Variants in GMDS observed in about 807,000 individuals in gnomAD.
The protein encoded by GMDS is GDP-mannose 4,6-dehydratase.
Under a neutral mutation model 49.9 loss-of-function variants are expected in GMDS, and 20 were observed. The ratio of observed to expected loss-of-function variants is 0.40; its 90% CI spans 0.28 to 0.58. The LOEUF (loss-of-function observed/expected upper bound fraction) is 0.58, where lower values mean the gene tolerates loss of function less well. Among genes scored for constraint, GMDS ranks in the 20% least tolerant of loss-of-function variants. The pLI is 0.42. For synonymous variants in GMDS, 177 were observed against 178.6 expected, an observed-to-expected ratio of 0.99 and a Z score of 0.07; for missense variants, 362 against 481.4, an observed-to-expected ratio of 0.75 and a Z score of 2.32.
intron 7 of GMDS, among the ~76,000 whole-genome samples, chr6:1,860,904 C>T (rs1758152354): frequency 6.6e-6 from 1 of 152,136 alleles, no homozygotes; most frequent in East Asian, 1.9e-4. Context: ...TGATGTGTGC[C>T]CAGAAGGGCT....
At chr6:2,220,464 T>A (rs574584506) in intron 1 of GMDS, among the ~76,000 whole-genome samples, 1 of 152,294 alleles carries the variant, frequency 6.6e-6, no homozygotes, top group East Asian at 1.9e-4. Flanking sequence ...TTAATGTGAA[T>A]AGATGTGAGA....
At chr6:1,727,861 G>GC (rs2113445936) in intron 8 of GMDS, among the ~76,000 whole-genome samples, 1 of 152,270 alleles carries the variant, frequency 6.6e-6, no homozygotes, top group East Asian at 1.9e-4. Context: ...GAATTATATA[G>GC]CGCAGTATGT....
chr6:2,114,606 G>C lies in GMDS; in HGVS notation c.345+1165C>G, dbSNP rs549611926. On this transcript the variant is annotated intron_variant, in intron 4 of 10. Coordinates refer to ENST00000380815, the MANE Select transcript of GMDS (RefSeq NM_001500.4). ...CTGGATATAGAACAGAATCATCACA[G>C]ATTAAGAAAAGAAAAATGTTTCTTC... Among the ~76,000 whole-genome samples the C allele has an allele frequency of 9.3e-4, 142 of 152,282 alleles. 1 individual carries two copies. Among genetic ancestry groups the C allele is most frequent in the African/African-American group, 3.3e-3 (136 of 41,568 alleles).
chr6:1,880,548 C>T (rs1231095070), intron 7 of GMDS, among the ~76,000 whole-genome samples: 1 of 152,176 alleles, frequency 6.6e-6, no homozygotes, highest in Non-Finnish European at 1.5e-5. Flanking sequence ...GCTGAGCACT[C>T]TTCCTTTCCC....
chr6:2,005,006 G>C (rs753722949), intron 4 of GMDS, among the ~76,000 whole-genome samples: 1 of 152,128 alleles, frequency 6.6e-6, no homozygotes, highest in Non-Finnish European at 1.5e-5. Flanking sequence ...TGAGTATATA[G>C]ACAGTTTATA....
At chr6:1,975,106 T>C (rs1370962847) in intron 4 of GMDS, among the ~76,000 whole-genome samples, 1 of 151,904 alleles carries the variant, frequency 6.6e-6, no homozygotes, top group Non-Finnish European at 1.5e-5. Flanking sequence ...TGCCAGGATA[T>C]TGTTAGATAT....
chr6:1,663,780 C>A (rs1764158470), intron 9 of GMDS, among the ~76,000 whole-genome samples: 1 of 152,174 alleles, frequency 6.6e-6, no homozygotes, highest in African/African-American at 2.4e-5. Context: ...CATGGCTCTG[C>A]TGAAATGTCT....
intron 9 of GMDS, among the ~76,000 whole-genome samples, chr6:1,663,208 C>T (rs1436349122): frequency 6.6e-6 from 1 of 152,188 alleles, no homozygotes; most frequent in Non-Finnish European, 1.5e-5. Flanking sequence ...GAGAGAAATT[C>T]AACTTGGGGT....
At chr6:1,768,582 C>G (rs1768453325) in intron 7 of GMDS, among the ~76,000 whole-genome samples, 1 of 152,146 alleles carries the variant, frequency 6.6e-6, no homozygotes, top group African/African-American at 2.4e-5. Flanking sequence ...GTTGAGTACC[C>G]CAATCCAAAA....
intron 4 of GMDS, among the ~76,000 whole-genome samples, chr6:1,998,495 G>T (rs1465206004): frequency 1.3e-5 from 2 of 152,134 alleles, no homozygotes; most frequent in African/African-American, 2.4e-5. Flanking sequence ...TGAGGAAAAG[G>T]ATTATAACCC....
intron 7 of GMDS, among the ~76,000 whole-genome samples, chr6:1,791,702 T>C (rs986044581): frequency 1.3e-5 from 2 of 152,232 alleles, no homozygotes; most frequent in Non-Finnish European, 2.9e-5. Context: ...TAACATATTA[T>C]TTCCTGTTCC....
chr6:1,738,146 G>A (rs1188221804), intron 8 of GMDS, among the ~76,000 whole-genome samples: 1 of 50,260 alleles, frequency 2.0e-5, no homozygotes, highest in Non-Finnish European at 3.9e-5. Flanking sequence ...TACACACACA[G>A]ATACACATAC....
chr6:1,830,825 G>A (rs1756601657), intron 7 of GMDS, among the ~76,000 whole-genome samples: 1 of 152,098 alleles, frequency 6.6e-6, no homozygotes, highest in African/African-American at 2.4e-5. Context: ...GCATTTCAGG[G>A]ATAAGAAATA....
At chr6:1,848,350 C>T (rs1444389412) in intron 7 of GMDS, among the ~76,000 whole-genome samples, 1 of 152,132 alleles carries the variant, frequency 6.6e-6, no homozygotes, top group Non-Finnish European at 1.5e-5. Context: ...ACTTATCCTT[C>T]ATGCTCAGCT....
intron 7 of GMDS, among the ~76,000 whole-genome samples, chr6:1,857,308 T>A (rs1757981927): frequency 1.3e-5 from 2 of 152,212 alleles, no homozygotes; most frequent in Admixed American, 1.3e-4. Context: ...GTTCCACTCA[T>A]CATAAAGGGA....
chr6:1,677,613 G>A (rs1304278157), intron 9 of GMDS, among the ~76,000 whole-genome samples: 1 of 152,092 alleles, frequency 6.6e-6, no homozygotes, highest in Admixed American at 6.5e-5. Flanking sequence ...ATACTTTGCA[G>A]CCATAAAAAA....
In GMDS at chr6:1,961,070, T is replaced by C. The variant is rs1301172580; in HGVS notation, c.346-104A>G. The C allele has an allele frequency of 5.4e-6, 3 of 560,320 alleles. No individual in the cohort carries two copies. In the Admixed American group the frequency reaches 9.2e-5, roughly 17 times the overall value. The allele number at this position is 560,320 out of a possible 1,614,324, so 34.7% of individuals were successfully genotyped here. A position where few individuals can be genotyped will look rare whatever the true frequency, so the allele number is the denominator to read the frequency against. On this transcript the variant is annotated intron_variant, in intron 4 of 10. Coordinates refer to ENST00000380815, the MANE Select transcript of GMDS (RefSeq NM_001500.4). Reference sequence around the variant, plus strand: ...AATTTCACACACTGTGAAATGTTGGTGAGAAAATATTATTTTCTAACAGCA... The same window carrying C: ...AATTTCACACACTGTGAAATGTTGGCGAGAAAATATTATTTTCTAACAGCA...
At chr6:2,187,156 C>T (rs1228912232) in intron 1 of GMDS, among the ~76,000 whole-genome samples, 2 of 152,168 alleles carry the variant, frequency 1.3e-5, no homozygotes, top group Non-Finnish European at 2.9e-5. Flanking sequence ...TCAGCTGGTC[C>T]TTTCTGCACT....
At chr6:1,804,355 C>G (rs895321558) in intron 7 of GMDS, among the ~76,000 whole-genome samples, 1 of 152,272 alleles carries the variant, frequency 6.6e-6, no homozygotes, top group Non-Finnish European at 1.5e-5. Flanking sequence ...TCTGAACTCA[C>G]GGCTGGCCAG....
Sources: allele counts gnomAD v4.1 joint callset (sites outside exome capture counted in the v4.1 genomes callset), GRCh38; gene constraint gnomAD v4.1.1; transcripts MANE v1.5; gene names NCBI Gene and HGNC (gene_info 2026-07-23, HGNC 2026-07-21).